CACNA1D: variants seen among roughly 807,000 people sequenced by gnomAD.
The protein encoded by CACNA1D is voltage-dependent L-type calcium channel subunit alpha-1D.
CACNA1D carries 55 observed loss-of-function variants against 257.1 expected under a neutral mutation model. The observed-to-expected ratio is 0.21, with a 90% CI of 0.17 to 0.27. CACNA1D has a LOEUF of 0.27. CACNA1D is among the 10% of genes least tolerant of loss of function. The pLI, the probability that CACNA1D is intolerant of heterozygous loss-of-function variation, is 1.00. For missense variants in CACNA1D, 1,876 were observed against 2,784.0 expected, an observed-to-expected ratio of 0.67 and a Z score of 7.34; for synonymous variants, 980 against 1,014.9, an observed-to-expected ratio of 0.97 and a Z score of 0.65.
chr3:53,642,363 G>A (rs1285546860), intron 3 of CACNA1D, among the ~76,000 whole-genome samples: 1 of 152,144 alleles, frequency 6.6e-6, no homozygotes, highest in Admixed American at 6.5e-5. Flanking sequence ...TGCTCTCTTC[G>A]GACCCGGTTG....
At chr3:53,665,423 C>T (rs2094251976) in intron 5 of CACNA1D, among the ~76,000 whole-genome samples, 1 of 152,130 alleles carries the variant, frequency 6.6e-6, no homozygotes, top group Admixed American at 6.5e-5. Context: ...TGGGCAGTCC[C>T]CTCCCTAGGC....
At chr3:53,565,572 G>A (rs1559849213) in intron 3 of CACNA1D, among the ~76,000 whole-genome samples, 1 of 152,150 alleles carries the variant, frequency 6.6e-6, no homozygotes, top group Non-Finnish European at 1.5e-5. Context: ...AATCAGTCTG[G>A]TAGATTACTA....
chr3:53,641,539 C>T (rs1024886822), intron 3 of CACNA1D, among the ~76,000 whole-genome samples: 4 of 151,944 alleles, frequency 2.6e-5, no homozygotes, highest in Non-Finnish European at 5.9e-5. Context: ...AACTGCCAGG[C>T]GAGATGGGAT....
intron 39 of CACNA1D, among the ~76,000 whole-genome samples, chr3:53,784,185 G>T (rs1341258864): frequency 1.3e-5 from 2 of 152,170 alleles, no homozygotes; most frequent in Admixed American, 6.5e-5. Flanking sequence ...CCTCATCTCT[G>T]CCTCTCAGCT....
At chr3:53,545,018 A>T (rs76294456) in intron 3 of CACNA1D, among the ~76,000 whole-genome samples, 1 of 152,340 alleles carries the variant, frequency 6.6e-6, no homozygotes, top group East Asian at 1.9e-4. Context: ...TCTAAAGGGG[A>T]GGAAAGATGG....
At chr3:53,781,756 A>C (rs2095426521) in intron 39 of CACNA1D, 89 bp downstream of exon 39, 1 of 901,430 alleles carries the variant, frequency 1.1e-6, no homozygotes, top group Admixed American at 1.7e-5. Context: ...GTGTTTGCAA[A>C]ATGCTTTATG....
intron 3 of CACNA1D, among the ~76,000 whole-genome samples, chr3:53,520,071 C>T (rs1336551768): frequency 6.6e-6 from 1 of 152,116 alleles, no homozygotes; most frequent in African/African-American, 2.4e-5. Context: ...GAGTGTTTTC[C>T]CCTTTTTGGC....
chr3:53,505,115 G>GTTTTTTTTTTTTTTTTTTTTTT (rs35938386), intron 3 of CACNA1D, among the ~76,000 whole-genome samples: 2 of 97,620 alleles, frequency 2.0e-5, no homozygotes, highest in Non-Finnish European at 1.9e-5. Context: ...TTGTTTATTT[G>GTTTTTTTTTTTTTTTTTTTTTT]TTTTTTTTTT....
chr3:53,644,740 T>C (rs1486073976), intron 3 of CACNA1D, among the ~76,000 whole-genome samples: 1 of 152,268 alleles, frequency 6.6e-6, no homozygotes, highest in South Asian at 2.1e-4. Flanking sequence ...TGGAGGTTAA[T>C]TCCATGTCTT....
chr3:53,766,005 A>G (rs1033719502), intron 30 of CACNA1D: 1 of 152,244 alleles, frequency 6.6e-6, no homozygotes, highest in African/African-American at 2.4e-5. Flanking sequence ...ACCCAGCAAC[A>G]TACTGTCCCT....
intron 8 of CACNA1D, among the ~76,000 whole-genome samples, chr3:53,697,874 C>A (rs1010108287): frequency 6.6e-6 from 1 of 152,074 alleles, no homozygotes; most frequent in African/African-American, 2.4e-5. Context: ...TGAGCACTTC[C>A]TTATTTTCTT....
At chr3:53,617,368 A>G (rs2093649019) in intron 3 of CACNA1D, among the ~76,000 whole-genome samples, 1 of 152,114 alleles carries the variant, frequency 6.6e-6, no homozygotes, top group South Asian at 2.1e-4. Flanking sequence ...CAGGTCTTGG[A>G]GTGACAGATT....
chr3:53,572,571 T>A (rs807187), intron 3 of CACNA1D, among the ~76,000 whole-genome samples: 5 of 152,022 alleles, frequency 3.3e-5, no homozygotes, highest in Non-Finnish European at 5.9e-5. Flanking sequence ...AGCTAATTTT[T>A]GTATTTTTTA....
intron 8 of CACNA1D, among the ~76,000 whole-genome samples, chr3:53,688,098 G>GA (rs1302995017): frequency 6.6e-6 from 1 of 152,214 alleles, no homozygotes; most frequent in Non-Finnish European, 1.5e-5. Flanking sequence ...CAAGAGAAAT[G>GA]AAAATCTATG....
chr3:53,732,146 C>A, intron 18 of CACNA1D, 64 bp downstream of exon 18: 2 of 1,273,156 alleles, frequency 1.6e-6, no homozygotes, highest in South Asian at 2.4e-5. Context: ...TCTGTGACCA[C>A]CTGCCGAGTC....
At chr3:53,713,023 G>A (rs1023586142) in intron 9 of CACNA1D, among the ~76,000 whole-genome samples, 4 of 152,156 alleles carry the variant, frequency 2.6e-5, no homozygotes, top group Admixed American at 1.3e-4. Flanking sequence ...CCATTCTCTG[G>A]GACATTCTAC....
chr3:53,567,323 GAGCA>G (rs976584658), intron 3 of CACNA1D, among the ~76,000 whole-genome samples: 4 of 152,184 alleles, frequency 2.6e-5, no homozygotes, highest in African/African-American at 7.2e-5. Context: ...GATCTGTAGG[GAGCA>G]CACAGTTTTT....
intron 11 of CACNA1D, among the ~76,000 whole-genome samples, chr3:53,721,440 G>C (rs1394386775): frequency 6.6e-6 from 1 of 152,204 alleles, no homozygotes. Flanking sequence ...CCAATTGGCT[G>C]ACCTTTCCAC....
intron 7 of CACNA1D, among the ~76,000 whole-genome samples, chr3:53,672,744 A>T (rs936646220): frequency 7.3e-6 from 1 of 136,126 alleles, no homozygotes. Context: ...TTCGGCCTGA[A>T]AGCCTTGATG....
Sources: gnomAD v4.1 joint callset for allele counts (sites outside exome capture counted in the v4.1 genomes callset) on GRCh38, gnomAD v4.1.1 for gene constraint, MANE v1.5 for transcripts, NCBI Gene and HGNC (gene_info 2026-07-23, HGNC 2026-07-21) for gene names.